CLTCL1: variants seen among roughly 807,000 people sequenced by gnomAD.
CLTCL1 encodes the protein clathrin heavy chain like 1, also known as clathrin heavy chain 2.
A neutral mutation model predicts 190.0 loss-of-function variants in CLTCL1; 159 were observed. That is an observed-to-expected ratio of 0.84 (90% CI 0.74 to 0.95). The LOEUF is 0.95. Among genes scored for constraint, CLTCL1 ranks in the 40% least tolerant of loss-of-function variants. The probability of loss-of-function intolerance (pLI) is 0.00; values close to 1 mark genes in which losing one functional copy is unlikely to be tolerated. For synonymous variants in CLTCL1, 752 were observed against 769.6 expected, an observed-to-expected ratio of 0.98 and a Z score of 0.38; for missense variants, 1,878 against 2,033.4, an observed-to-expected ratio of 0.92 and a Z score of 1.47.
intron 2 of CLTCL1, among the ~76,000 whole-genome samples, chr22:19,270,772 A>T (rs1468247168): frequency 1.3e-5 from 2 of 151,806 alleles, no homozygotes; most frequent in African/African-American, 4.8e-5. Flanking sequence ...TGGTATGTAA[A>T]TTATACTTGA....
In CLTCL1 at chr22:19,199,758, C is replaced by T. The variant is rs1555937974; in HGVS notation, c.3849G>A (p.Leu1283=). Residue 1283 remains leucine (L), a synonymous_variant, in exon 24 of 33, where the codon CTG becomes CTA. Coordinates refer to ENST00000427926, the MANE Select transcript of CLTCL1 (RefSeq NM_007098.4). ...CCTGGTAATAGCACATCAGCTCCTCCAGCTCATCTGCATGAATGACGATGT... is the reference window on the plus strand; with the variant it reads ...CCTGGTAATAGCACATCAGCTCCTCTAGCTCATCTGCATGAATGACGATGT... ...GLHIVIHADE[L]EELMCYYQDR... 1 of 1,591,974 alleles carries T rather than the reference C, an allele frequency of 6.3e-7. No homozygotes were observed. The highest frequency in any genetic ancestry group is 1.3e-5 in the African/African-American group (1 of 74,546).
intron 2 of CLTCL1, among the ~76,000 whole-genome samples, chr22:19,265,757 G>A (rs1166640171): frequency 1.3e-5 from 2 of 152,180 alleles, no homozygotes; most frequent in Non-Finnish European, 2.9e-5. Flanking sequence ...AAAATGGTAT[G>A]CTACATTTTA....
In CLTCL1 at chr22:19,235,655, T is replaced by C. The variant is rs781923270; in HGVS notation, c.969+41A>G. Reference sequence around the variant, plus strand: ...GGAAAGTTTAAACGCCAGTCCCTAATGAATGGAAAAGGTAGAAAATGAAAT... The same window carrying C: ...GGAAAGTTTAAACGCCAGTCCCTAACGAATGGAAAAGGTAGAAAATGAAAT... On this transcript the variant is annotated intron_variant, in intron 6 of 32. Coordinates refer to ENST00000427926, the MANE Select transcript of CLTCL1 (RefSeq NM_007098.4). 2.5e-6 allele frequency: 4 copies of C among 1,582,642 alleles called. No individual in the cohort carries two copies. In the East Asian group the frequency reaches 9.0e-5, roughly 35 times the overall value.
chr22:19,225,702 C>G (rs1014928533), intron 12 of CLTCL1, 69 bp from the exon 13 acceptor site: 121 of 1,351,902 alleles, frequency 9.0e-5, no homozygotes, highest in Admixed American at 2.4e-5. Context: ...TGGAAAATAA[C>G]TAGGTCATTC....
Position 19,196,580 on chromosome 22 carries a change from A to T in CLTCL1, c.3950T>A (p.Phe1317Tyr). ...LGLERAHMGM[F>Y]TELAILYSKF... is the part of the protein sequence containing the mutation. Reference sequence around the variant, plus strand: ...GGAGTAGAGGATGGCCAGCTCAGTGAACATGCCCATGTGGGCCCGCTCCAG... The same window carrying T: ...GGAGTAGAGGATGGCCAGCTCAGTGTACATGCCCATGTGGGCCCGCTCCAG... The change falls in exon 25 of 33, where the codon TTC (phenylalanine) becomes TAC (tyrosine). Residue 1317 changes from phenylalanine to tyrosine, a missense_variant. Coordinates refer to ENST00000427926, the MANE Select transcript of CLTCL1 (RefSeq NM_007098.4). The T allele has an allele frequency of 6.2e-7, 1 of 1,613,890 alleles. No individual in the cohort carries two copies. Among genetic ancestry groups the T allele is most frequent in the Non-Finnish European group, 8.5e-7 (1 of 1,179,828 alleles).
At position 19,235,858 on chromosome 22, in the gene CLTCL1, TTTAG is replaced by T. The variant is rs1569207587; in HGVS notation, c.803_806del (p.Ala268AspfsTer7). On this transcript the variant is annotated frameshift_variant, in exon 6 of 33. Coordinates refer to ENST00000427926, the MANE Select transcript of CLTCL1 (RefSeq NM_007098.4). LOFTEE classifies it high-confidence loss of function. Reference sequence around the variant, plus strand: ...TTGTGATCAAGTAAATAACACCATGTTTAGCTCCAATCTATAAGAAGACAGAGAG... The same window carrying T: ...TTGTGATCAAGTAAATAACACCATGTCTCCAATCTATAAGAAGACAGAGAG... 3 of 1,613,492 alleles carry T rather than the reference TTTAG, an allele frequency of 1.9e-6. No homozygotes were observed. The highest frequency in any genetic ancestry group is 2.5e-6 in the Non-Finnish European group (3 of 1,179,714).
intron 3 of CLTCL1, chr22:19,249,976 G>A (rs2086540518): frequency 1.4e-5 from 5 of 367,076 alleles, no homozygotes; most frequent in East Asian, 7.7e-5. Context: ...TAAATGGGCC[G>A]GGCGCGGTGG....
intron 4 of CLTCL1, among the ~76,000 whole-genome samples, chr22:19,241,079 G>A (rs1012470213): frequency 1.3e-5 from 2 of 152,180 alleles, no homozygotes; most frequent in African/African-American, 4.8e-5. Flanking sequence ...ACACAGGGCC[G>A]CTCCAGGACA....
At chr22:19,232,651 A>G in intron 9 of CLTCL1, 53 bp from the exon 10 acceptor site, 1 of 1,554,504 alleles carries the variant, frequency 6.4e-7, no homozygotes, top group Non-Finnish European at 8.7e-7. Context: ...CCTGGGCATT[A>G]GAAAAGGAAG....
chr22:19,195,709 C>A (rs2084675637), intron 26 of CLTCL1, among the ~76,000 whole-genome samples: 1 of 152,122 alleles, frequency 6.6e-6, no homozygotes, highest in African/African-American at 2.4e-5. Flanking sequence ...AACAAAGGCT[C>A]ACTTGACCAT....
rs2087775664 is a variant in CLTCL1 at position 19,282,961 on chromosome 22, T to A, written c.43-7131A>T. 2.7e-5 allele frequency among the ~76,000 whole-genome samples: 4 copies of A among 148,612 alleles called. 1 individual carries two copies. The South Asian group carries it at 8.8e-4, about 33-fold the overall frequency. On this transcript the variant is annotated intron_variant, in intron 1 of 32. Transcript: ENST00000427926. ...ATCTCGGCTCATTGCAACCTCTGCC[T>A]CCCCAGTTCAAGTGATTCTCCAGCC...
intron 22 of CLTCL1, 113 bp downstream of exon 22, chr22:19,208,041 T>C (rs1427462602): frequency 7.8e-7 from 1 of 1,290,268 alleles, no homozygotes; most frequent in Non-Finnish European, 1.1e-6. Context: ...GGAAAAACTG[T>C]CTTCGATGAA....
intron 1 of CLTCL1, among the ~76,000 whole-genome samples, chr22:19,286,295 TGGCTGAGGCA>T (rs373138630): frequency 1.8e-3 from 280 of 152,318 alleles, no homozygotes; most frequent in Non-Finnish European, 3.2e-3. Context: ...GCAGACACCC[TGGCTGAGGCA>T]GGTTACTCTC....
rs374875733 is a variant in CLTCL1 at position 19,230,097 on chromosome 22, G to GTTTTTTTTTTTTTTTTTTT, written c.1645-123_1645-122insAAAAAAAAAAAAAAAAAAA. On this transcript the variant is annotated intron_variant, in intron 10 of 32. Transcript: ENST00000427926. ...AATTCAGCAATTAGTTCCCTCCCTT[G>GTTTTTTTTTTTTTTTTTTT]GTTTTTTTTTTTTTTTTGAGATGGA... 1.5e-5 allele frequency: 8 copies of GTTTTTTTTTTTTTTTTTTT among 530,318 alleles called. 4 individuals are homozygous for GTTTTTTTTTTTTTTTTTTT. Among genetic ancestry groups the GTTTTTTTTTTTTTTTTTTT allele is most frequent in the Non-Finnish European group, 1.7e-5 (6 of 361,860 alleles). The allele number at this position is 530,318 out of a possible 1,614,324, so 32.9% of individuals were successfully genotyped here. A position where few individuals can be genotyped will look rare whatever the true frequency, so the allele number is the denominator to read the frequency against.
At chr22:19,220,899 G>C (rs945386656) in intron 17 of CLTCL1, among the ~76,000 whole-genome samples, 1 of 152,200 alleles carries the variant, frequency 6.6e-6, no homozygotes, top group Non-Finnish European at 1.5e-5. Context: ...GGAGAGGCCA[G>C]CAAGAGCTCA....
chr22:19,222,965 G>T (rs2085623981), intron 14 of CLTCL1, among the ~76,000 whole-genome samples, 156 bp from the exon 15 acceptor site: 1 of 152,196 alleles, frequency 6.6e-6, no homozygotes, highest in African/African-American at 2.4e-5. Flanking sequence ...TCGTTTTGTG[G>T]TATGGCATTT....
Position 19,191,458 on chromosome 22 carries a change from T to C in CLTCL1, c.4192-23A>G, listed in dbSNP as rs782549965. 11 of 1,610,878 alleles carry C rather than the reference T, an allele frequency of 6.8e-6. No individual in the cohort carries two copies. In the South Asian group the frequency reaches 7.7e-5, roughly 11 times the overall value. Reference sequence around the variant, plus strand: ...AACCTGTGGTGAGCAAAGCTGAGGGTCAGTCCCTGCCGCTGTCTCCAGATA... The same window carrying C: ...AACCTGTGGTGAGCAAAGCTGAGGGCCAGTCCCTGCCGCTGTCTCCAGATA... On this transcript the variant is annotated intron_variant, in intron 26 of 32. Coordinates refer to ENST00000427926, the MANE Select transcript of CLTCL1 (RefSeq NM_007098.4).
Position 19,234,686 on chromosome 22 carries a change from CT to C in CLTCL1, c.989del (p.Glu330GlyfsTer6). On this transcript the variant is annotated frameshift_variant, in exon 7 of 33. Transcript: ENST00000427926. LOFTEE classifies it high-confidence loss of function. ...TTGCATAATTCACAATGTTATCTTCCTCAACACAAACTGACAGTACCTGTAA... is the reference window on the plus strand; with the variant it reads ...TTGCATAATTCACAATGTTATCTTCCCAACACAAACTGACAGTACCTGTAA... ...KKGQVLSVCV[E>X]EDNIVNYATN... 1 of 1,613,968 alleles carries C rather than the reference CT, an allele frequency of 6.2e-7. No individual in the cohort carries two copies. The highest frequency in any genetic ancestry group is 8.5e-7 in the Non-Finnish European group (1 of 1,179,860).
At chr22:19,244,294 C>A (rs2086350732) in intron 3 of CLTCL1, among the ~76,000 whole-genome samples, 1 of 152,154 alleles carries the variant, frequency 6.6e-6, no homozygotes, top group Non-Finnish European at 1.5e-5. Context: ...CATGCTACCA[C>A]ATGGATGAAC....
Sources: gnomAD v4.1 joint callset for allele counts (sites outside exome capture counted in the v4.1 genomes callset) on GRCh38, gnomAD v4.1.1 for gene constraint, MANE v1.5 for transcripts, NCBI Gene and HGNC (gene_info 2026-07-23, HGNC 2026-07-21) for gene names.